The following ZNF732 variants were observed in gnomAD, a reference collection of about 807,000 sequenced individuals.
ZNF732 encodes the protein zinc finger protein LOC654254.
A neutral mutation model predicts 11.5 loss-of-function variants in ZNF732; 12 were observed. That is an observed-to-expected ratio of 1.05 (90% confidence interval 0.67 to 1.70). The LOEUF is 1.70. Ranked by LOEUF, ZNF732 falls within the 40% of genes most tolerant of loss-of-function variation. The pLI, the probability that ZNF732 is intolerant of heterozygous loss-of-function variation, is 0.00. For synonymous variants in ZNF732, 231 were observed against 236.5 expected (o/e 0.98, Z 0.21); for missense variants, 702 against 676.9 (o/e 1.04, Z -0.41).
Position 272,432 on chromosome 4 carries a change from T to C in ZNF732, c.425A>G (p.Gln142Arg). 3.8e-6 allele frequency: 6 copies of C among 1,598,568 alleles called. No individual in the cohort carries two copies. In the South Asian group the frequency reaches 6.7e-5, roughly 18 times the overall value. Residue 142 changes from glutamine to arginine, a missense_variant, in exon 4 of 4, where the codon CAG (glutamine) becomes CGG (arginine). Physicochemically the swap from Gln to Arg is conservative, Grantham distance 43. Transcript: ENST00000419098. The part of the protein sequence containing the change: ...CLSTIQSKIF[Q>R]CNVHVKVFST... ...AAATACTTTGACATGTACATTACACTGAAATATTTTGCTCTGGATAGTTGA... is the reference window on the plus strand; with the variant it reads ...AAATACTTTGACATGTACATTACACCGAAATATTTTGCTCTGGATAGTTGA...
intron 3 of ZNF732, among the ~76,000 whole-genome samples, chr4:283,467 G>C (rs1719657116): frequency 6.6e-6 from 1 of 151,400 alleles, no homozygotes; most frequent in African/African-American, 2.4e-5. Flanking sequence ...TATAGAAGTG[G>C]CTATATTTAC....
intron 3 of ZNF732, among the ~76,000 whole-genome samples, chr4:286,594 T>A (rs1553840616): frequency 6.6e-6 from 1 of 152,220 alleles, no homozygotes; most frequent in African/African-American, 2.4e-5. Context: ...TCTAAAGTAG[T>A]TAAATGCTTA....
At chr4:275,436 G>GTACCCAACAATCTTCAAAAAC (rs1471892960) in intron 3 of ZNF732, among the ~76,000 whole-genome samples, 3 of 151,630 alleles carry the variant, frequency 2.0e-5, no homozygotes, top group Non-Finnish European at 4.4e-5. Context: ...AAACAGTGAA[G>GTACCCAACAATCTTCAAAAAC]TACCCAACAA....
intron 3 of ZNF732, among the ~76,000 whole-genome samples, chr4:282,673 T>A (rs2108655011): frequency 6.6e-6 from 1 of 152,150 alleles, no homozygotes; most frequent in East Asian, 1.9e-4. Context: ...CTGCACTACA[T>A]CCTGGGAAAC....
In ZNF732 at chr4:272,476, A is replaced by G; in HGVS notation, c.381T>C (p.Asn127=). ...CKRKVQKGGY[N]EFNQCLSTIQ... Reference sequence around the variant, plus strand: ...TAGTTGACAAGCATTGATTAAATTCATTATAACCTCCTTTCTGCACCTTCC... The same window carrying G: ...TAGTTGACAAGCATTGATTAAATTCGTTATAACCTCCTTTCTGCACCTTCC... The change falls in exon 4 of 4, where the codon AAT becomes AAC. Residue 127 remains asparagine, a synonymous_variant. Coordinates refer to ENST00000419098, the MANE Select transcript of ZNF732 (RefSeq NM_001137608.3). 2 of 1,602,592 alleles carry G rather than the reference A, an allele frequency of 1.2e-6. No individual in the cohort carries two copies. Among genetic ancestry groups the G allele is most frequent in the Admixed American group, 1.7e-5 (1 of 58,018 alleles).
intron 3 of ZNF732, among the ~76,000 whole-genome samples, chr4:276,331 TA>T (rs1339602791): frequency 6.6e-6 from 1 of 151,958 alleles, no homozygotes; most frequent in East Asian, 1.9e-4. Context: ...TCCACAGTCT[TA>T]CAGTGTACAT....
At chr4:280,633 T>C (rs1719602641) in intron 3 of ZNF732, among the ~76,000 whole-genome samples, 1 of 152,088 alleles carries the variant, frequency 6.6e-6, no homozygotes, top group Non-Finnish European at 1.5e-5. Flanking sequence ...TATGGGAGCT[T>C]TGGAATCCAT....
At chr4:296,479 C>T (rs922015939) in intron 1 of ZNF732, among the ~76,000 whole-genome samples, 3 of 151,996 alleles carry the variant, frequency 2.0e-5, no homozygotes, top group East Asian at 1.9e-4. Context: ...ACCTTGGCCT[C>T]GCTGTAATAT....
chr4:288,302 T>C (rs1342590226), intron 3 of ZNF732, among the ~76,000 whole-genome samples: 1 of 152,244 alleles, frequency 6.6e-6, no homozygotes, highest in African/African-American at 2.4e-5. Context: ...TGATGTTATA[T>C]GTAAGAAAAC....
chr4:277,799 T>A lies in ZNF732; in HGVS notation c.227-5169A>T, dbSNP rs541696738. On this transcript the variant is annotated intron_variant, in intron 3 of 3. Transcript: ENST00000419098. Reference sequence around the variant, plus strand: ...ACTACCACACACACACAAAAAAAATTCAAATTGCTGGATCACAGGTTCTAT... The same window carrying A: ...ACTACCACACACACACAAAAAAAATACAAATTGCTGGATCACAGGTTCTAT... Among the ~76,000 whole-genome samples the A allele has an allele frequency of 3.7e-4, 56 of 152,038 alleles. 1 individual carries two copies. The highest frequency in any genetic ancestry group is 1.3e-3 in the African/African-American group (56 of 41,506).
intron 3 of ZNF732, among the ~76,000 whole-genome samples, chr4:279,398 ATC>A (rs1719570006): frequency 6.6e-6 from 1 of 151,828 alleles, no homozygotes; most frequent in Non-Finnish European, 1.5e-5. Context: ...GTGAGCCAAT[ATC>A]ACGCCACTGC....
intron 3 of ZNF732, among the ~76,000 whole-genome samples, chr4:276,953 T>C (rs1560157583): frequency 6.6e-6 from 1 of 151,708 alleles, no homozygotes; most frequent in East Asian, 1.9e-4. Context: ...GATAATGACA[T>C]AGACAGATCA....
chr4:287,196 A>G (rs1418218426), intron 3 of ZNF732, among the ~76,000 whole-genome samples: 1 of 151,962 alleles, frequency 6.6e-6, no homozygotes, highest in African/African-American at 2.4e-5. Flanking sequence ...TGCCAAATCC[A>G]AGAATATGTG....
chr4:299,456 T>TATATACAC (rs1720051319), intron 1 of ZNF732, among the ~76,000 whole-genome samples: 2 of 68,918 alleles, frequency 2.9e-5, no homozygotes, highest in African/African-American at 1.2e-4. Context: ...TATATACACA[T>TATATACAC]ATGTGTATAT....
intron 3 of ZNF732, among the ~76,000 whole-genome samples, chr4:289,585 T>C (rs1220944442): frequency 1.3e-5 from 2 of 152,266 alleles, no homozygotes; most frequent in African/African-American, 2.4e-5. Flanking sequence ...ATTGTTAGCA[T>C]AGTTTTCTAA....
At chr4:284,870 C>CAA (rs1163209652) in intron 3 of ZNF732, among the ~76,000 whole-genome samples, 275 of 54,066 alleles carry the variant, frequency 5.1e-3, no homozygotes, top group African/African-American at 5.8e-3. Context: ...GACTCTGTCT[C>CAA]AAAAAAAAAA....
At chr4:290,004 ATTAT>A (rs782500039) in intron 3 of ZNF732, among the ~76,000 whole-genome samples, 4 of 152,248 alleles carry the variant, frequency 2.6e-5, no homozygotes, top group Non-Finnish European at 4.4e-5. Flanking sequence ...ACAATGAAAA[ATTAT>A]TTAGACTCAA....
chr4:302,598 CT>C (rs1235923523), intron 1 of ZNF732, among the ~76,000 whole-genome samples: 1 of 152,142 alleles, frequency 6.6e-6, no homozygotes, highest in Admixed American at 6.5e-5. Context: ...TATTAGTCGC[CT>C]ACAGAAACTG....
chr4:273,648 G>A (rs78343340), intron 3 of ZNF732, among the ~76,000 whole-genome samples: 21,398 of 151,534 alleles, frequency 0.14, 1,887 homozygotes, highest in Admixed American at 0.25. Context: ...ATATAAAAAC[G>A]GAAGAAGCTC....
Sources: gnomAD v4.1 joint callset for allele counts (sites outside exome capture counted in the v4.1 genomes callset) on GRCh38, gnomAD v4.1.1 for gene constraint, MANE v1.5 for transcripts, NCBI Gene and HGNC (gene_info 2026-07-23, HGNC 2026-07-21) for gene names.